SLC43A2: variants seen among roughly 807,000 people sequenced by gnomAD.
SLC43A2 encodes the protein large neutral amino acids transporter small subunit 4.
In SLC43A2, 38 loss-of-function variants were observed where a neutral mutation model predicts 63.2. That is an observed-to-expected ratio of 0.60 (90% confidence interval 0.46 to 0.79). The LOEUF is 0.79. Ranked by LOEUF, SLC43A2 falls within the 30% of genes least tolerant of loss-of-function variation. SLC43A2 has a pLI of 0.00. For missense variants in SLC43A2, 644 were observed against 756.2 expected (o/e 0.85, Z 1.74); for synonymous variants, 322 against 331.0 (o/e 0.97, Z 0.30).
In SLC43A2 at chr17:1,578,318, G is replaced by A. The variant is rs2075964207; in HGVS notation, c.1356C>T (p.Leu452=). 4 of 1,613,748 alleles carry A rather than the reference G, an allele frequency of 2.5e-6. No homozygotes were observed. The highest frequency in any genetic ancestry group is 3.4e-6 in the Non-Finnish European group (4 of 1,179,946). ...GCACGATTGTGTGCAGGATGAAGGAGAGGATCTGGGGGAGGAAAAGGCGAC... is the reference window on the plus strand; with the variant it reads ...GCACGATTGTGTGCAGGATGAAGGAAAGGATCTGGGGGAGGAAAAGGCGAC... ...CLIPNLPLQI[L]SFILHTIVRG... The change falls in exon 12 of 14, where the codon CTC becomes CTT. Residue 452 remains leucine (L), a synonymous_variant. Coordinates refer to ENST00000301335, the MANE Select transcript of SLC43A2 (RefSeq NM_152346.3). The surrounding 1 kb of genome is among the most constrained non-coding windows in gnomAD (Gnocchi z 6.5).
intron 9 of SLC43A2, among the ~76,000 whole-genome samples, chr17:1,589,054 T>C (rs534942934): frequency 5.3e-5 from 8 of 152,294 alleles, no homozygotes; most frequent in Admixed American, 4.6e-4. Flanking sequence ...GTGTTGGGTG[T>C]AACGGGTCAC....
intron 5 of SLC43A2, among the ~76,000 whole-genome samples, chr17:1,611,133 C>G (rs571093560): frequency 2.0e-5 from 3 of 152,134 alleles, no homozygotes; most frequent in Non-Finnish European, 4.4e-5. Flanking sequence ...TGTGAGCCAC[C>G]GCACCCGGCC....
Position 1,578,191 on chromosome 17 carries a change from T to C in SLC43A2, c.1424+59A>G. ...CAGAGTCTCAGTCCCACCAGCAACC[T>C]CCCCCCGGCCATTCCCACACCCTCG... On this transcript the variant is annotated intron_variant, in intron 12 of 13. Transcript: ENST00000301335. This position sits in a 1 kb window ranked among gnomAD's most constrained non-coding sequence, Gnocchi z 6.5. The C allele has an allele frequency of 1.3e-6, 2 of 1,545,048 alleles. No homozygotes were observed. The highest frequency in any genetic ancestry group is 1.4e-5 in the African/African-American group (1 of 73,480).
At chr17:1,615,985 G>A (rs990024759) in intron 3 of SLC43A2, among the ~76,000 whole-genome samples, 34 of 150,000 alleles carry the variant, frequency 2.3e-4, no homozygotes, top group South Asian at 2.1e-4. Flanking sequence ...AGAGGTTGCC[G>A]TGAGCCGAGA....
rs1285955647 is a variant in SLC43A2 at position 1,575,878 on chromosome 17, A to G, written c.1549-113T>C. 8.1e-6 allele frequency: 10 copies of G among 1,236,784 alleles called. No individual in the cohort carries two copies. The East Asian group carries it at 2.3e-4, about 28-fold the overall frequency. The allele number at this position is 1,236,784 out of a possible 1,614,324, so 76.6% of individuals were successfully genotyped here. A position where few individuals can be genotyped will look rare whatever the true frequency, so the allele number is the denominator to read the frequency against. ...AGAAGGTCACGGGGTGGAAGGGGGA[A>G]CGAAACAGGAAGGCCCACGAGGTCC... On this transcript the variant is annotated intron_variant, in intron 13 of 13. Transcript: ENST00000301335.
At chr17:1,627,268 C>T (rs1908740235) in intron 2 of SLC43A2, among the ~76,000 whole-genome samples, 1 of 152,144 alleles carries the variant, frequency 6.6e-6, no homozygotes, top group Admixed American at 6.5e-5. Flanking sequence ...TAGATGAGCC[C>T]TCCCTGGGGT....
intron 9 of SLC43A2, among the ~76,000 whole-genome samples, chr17:1,588,907 G>A (rs1904485336): frequency 6.6e-6 from 1 of 152,142 alleles, no homozygotes; most frequent in Non-Finnish European, 1.5e-5. Context: ...GGCCGTACGC[G>A]GAGGCGATGG....
intron 3 of SLC43A2, 81 bp from the exon 4 acceptor site, chr17:1,615,115 T>G: frequency 6.5e-7 from 1 of 1,547,398 alleles, no homozygotes; most frequent in Non-Finnish European, 8.8e-7. Flanking sequence ...TTTTGGTTTT[T>G]GGTTTTTCTT....
Position 1,606,606 on chromosome 17 carries a change from A to G in SLC43A2, c.501+6589T>C, listed in dbSNP as rs913509641. On this transcript the variant is annotated intron_variant, in intron 5 of 13. Transcript: ENST00000301335. This position sits in a 1 kb window ranked among gnomAD's most constrained non-coding sequence, Gnocchi z 4.7. ...CCAGGCTCCGGGTTGGAGGGTGGCG[A>G]CCCCAAGATGCGGCCTCAGCCGCCG... is the stretch of plus-strand genomic sequence containing the variant. 6.6e-6 allele frequency among the ~76,000 whole-genome samples: 1 copy of G among 151,966 alleles called. No homozygotes were observed. Among genetic ancestry groups the G allele is most frequent in the East Asian group, 1.9e-4 (1 of 5,164 alleles).
chr17:1,594,787 ACCAC>A (rs1905143101), intron 5 of SLC43A2, among the ~76,000 whole-genome samples: 3 of 151,308 alleles, frequency 2.0e-5, no homozygotes, highest in Non-Finnish European at 4.4e-5. Flanking sequence ...ACGGGGTTTC[ACCAC>A]GTTAGCCAGG....
At chr17:1,602,520 C>G (rs1010698050) in intron 5 of SLC43A2, among the ~76,000 whole-genome samples, 2 of 151,814 alleles carry the variant, frequency 1.3e-5, no homozygotes, top group Non-Finnish European at 2.9e-5. Context: ...GTGGCAGGCA[C>G]CTGTAATCCT....
chr17:1,602,306 C>T (rs1309714215), intron 5 of SLC43A2, among the ~76,000 whole-genome samples: 2 of 152,122 alleles, frequency 1.3e-5, no homozygotes, highest in Admixed American at 1.3e-4. Flanking sequence ...TGCACCCGGC[C>T]AATCTTTGTA....
chr17:1,592,080 C>T (rs560887287), intron 6 of SLC43A2, among the ~76,000 whole-genome samples: 3 of 152,264 alleles, frequency 2.0e-5, no homozygotes, highest in East Asian at 1.9e-4. Flanking sequence ...CGGCCAGCCC[C>T]GTCCACTGAT....
intron 11 of SLC43A2, among the ~76,000 whole-genome samples, chr17:1,581,029 G>A (rs969964788): frequency 2.0e-5 from 3 of 152,184 alleles, no homozygotes; most frequent in Non-Finnish European, 2.9e-5. Flanking sequence ...CGCCAACTCC[G>A]AGAGGCACTT....
chr17:1,590,893 G>T lies in SLC43A2; in HGVS notation c.987C>A (p.Val329=), dbSNP rs1904700259. The change falls in exon 9 of 14, where the codon GTC becomes GTA. Residue 329 remains valine, a synonymous_variant. Transcript: ENST00000301335. ...GCCGCAGCTGCGTGACGCACATGGTGACCAGGCTGAGCAGCAGGATGGGGC... is the reference window on the plus strand; with the variant it reads ...GCCGCAGCTGCGTGACGCACATGGTTACCAGGCTGAGCAGCAGGATGGGGC... ...VFSPILLLSL[V]TMCVTQLRLI... The T allele has an allele frequency of 6.4e-7, 1 of 1,552,564 alleles. No homozygotes were observed. The highest frequency in any genetic ancestry group is 1.4e-5 in the African/African-American group (1 of 73,288).
intron 2 of SLC43A2, among the ~76,000 whole-genome samples, chr17:1,625,143 C>T (rs1908556276): frequency 6.6e-6 from 1 of 152,192 alleles, no homozygotes; most frequent in Admixed American, 6.5e-5. Context: ...ACCTGGAGGA[C>T]GTTGTGCAAA....
chr17:1,604,694 A>C, intron 5 of SLC43A2: 1 of 1,530,386 alleles, frequency 6.5e-7, no homozygotes, highest in Non-Finnish European at 8.8e-7. Context: ...GATGGCTTAC[A>C]TTCCTTCTGA....
intron 5 of SLC43A2, among the ~76,000 whole-genome samples, chr17:1,599,030 T>A (rs1174062114): frequency 6.6e-6 from 1 of 152,180 alleles, no homozygotes; most frequent in Non-Finnish European, 1.5e-5. Context: ...ATCTTGTATT[T>A]TTAATTATGA....
At chr17:1,625,162 C>T (rs1434781864) in intron 2 of SLC43A2, among the ~76,000 whole-genome samples, 2 of 152,184 alleles carry the variant, frequency 1.3e-5, no homozygotes, top group African/African-American at 4.8e-5. Context: ...AAACCCATTG[C>T]CAACTTCCCG....
Sources: allele counts gnomAD v4.1 joint callset (sites outside exome capture counted in the v4.1 genomes callset), GRCh38; gene constraint gnomAD v4.1.1; non-coding constraint Gnocchi (gnomAD v3.1); transcripts MANE v1.5; gene names NCBI Gene and HGNC (gene_info 2026-07-23, HGNC 2026-07-21).